SNX29: variants seen among roughly 807,000 people sequenced by gnomAD.
SNX29 encodes the protein sorting nexin 29, also known as sorting nexin-29.
In SNX29, 78 loss-of-function variants were observed where a neutral mutation model predicts 102.1. The ratio of observed to expected loss-of-function variants is 0.76; its 90% CI spans 0.64 to 0.92. The LOEUF (loss-of-function observed/expected upper bound fraction) is 0.92, where lower values mean the gene tolerates loss of function less well. SNX29 is among the 40% of genes least tolerant of loss of function. The pLI is 0.00. For synonymous variants in SNX29, 580 were observed against 414.5 expected (o/e 1.40, Z -4.85); for missense variants, 1,280 against 1,061.7 (o/e 1.21, Z -2.86).
intron 15 of SNX29, among the ~76,000 whole-genome samples, chr16:12,347,401 A>G (rs2081845671): frequency 6.6e-6 from 1 of 152,026 alleles, no homozygotes; most frequent in Non-Finnish European, 1.5e-5. Flanking sequence ...CCAAAGCAAA[A>G]TGTGTATTGG....
At chr16:12,297,733 C>G (rs1423335368) in intron 15 of SNX29, among the ~76,000 whole-genome samples, 3 of 152,134 alleles carry the variant, frequency 2.0e-5, no homozygotes, top group African/African-American at 4.8e-5. Flanking sequence ...TCATTTGCAC[C>G]TCAGTAAAGC....
At chr16:12,558,582 C>T (rs1192244211) in intron 20 of SNX29, among the ~76,000 whole-genome samples, 1 of 152,200 alleles carries the variant, frequency 6.6e-6, no homozygotes, top group East Asian at 1.9e-4. Context: ...TGGATCCATA[C>T]ACCTGTCACT....
chr16:12,109,447 A>G (rs1205489020), intron 11 of SNX29, among the ~76,000 whole-genome samples: 1 of 152,166 alleles, frequency 6.6e-6, no homozygotes, highest in Admixed American at 6.5e-5. Flanking sequence ...CTCTCATGAC[A>G]CAGTCACCTC....
intron 18 of SNX29, among the ~76,000 whole-genome samples, chr16:12,463,045 G>T (rs2086877335): frequency 6.6e-6 from 1 of 152,186 alleles, no homozygotes; most frequent in African/African-American, 2.4e-5. Flanking sequence ...TGGACTCAGG[G>T]ACTCGCCCCT....
chr16:12,305,409 G>C (rs762820096), intron 15 of SNX29, among the ~76,000 whole-genome samples: 2 of 152,196 alleles, frequency 1.3e-5, no homozygotes, highest in Admixed American at 1.3e-4. Flanking sequence ...CGCCGAGGGC[G>C]TCAAGCCCTA....
chr16:12,515,132 G>A (rs567876573), intron 19 of SNX29, among the ~76,000 whole-genome samples: 4 of 152,140 alleles, frequency 2.6e-5, no homozygotes, highest in African/African-American at 9.6e-5. Context: ...CCTGTGGGAG[G>A]GCTCCCTAAC....
intron 1 of SNX29, among the ~76,000 whole-genome samples, chr16:11,993,192 A>G (rs1485914258): frequency 6.6e-5 from 10 of 151,602 alleles, no homozygotes; most frequent in Admixed American, 5.3e-4. Flanking sequence ...TAAATAAATA[A>G]ATAAATATCT....
intron 14 of SNX29, among the ~76,000 whole-genome samples, chr16:12,209,105 G>A (rs2077117978): frequency 6.6e-6 from 1 of 152,112 alleles, no homozygotes; most frequent in African/African-American, 2.4e-5. Context: ...GGAAAAAGAG[G>A]GCTTTAGATA....
chr16:12,166,388 C>T (rs1163676543), intron 13 of SNX29, among the ~76,000 whole-genome samples: 1 of 152,102 alleles, frequency 6.6e-6, no homozygotes, highest in Non-Finnish European at 1.5e-5. Context: ...GAAATCTATC[C>T]ATGGGCTGTG....
At chr16:12,366,215 G>A (rs2082474899) in intron 16 of SNX29, among the ~76,000 whole-genome samples, 1 of 152,122 alleles carries the variant, frequency 6.6e-6, no homozygotes, top group African/African-American at 2.4e-5. Context: ...TTTCCCTCAA[G>A]GGTCACACAC....
At chr16:12,336,961 AACAAAAAACAG>A (rs1208867377) in intron 15 of SNX29, among the ~76,000 whole-genome samples, 1 of 152,174 alleles carries the variant, frequency 6.6e-6, no homozygotes, top group African/African-American at 2.4e-5. Context: ...CAAACAAACA[AACAAAAAACAG>A]ACACCACAAG....
chr16:12,525,603 A>G (rs1054966202), intron 20 of SNX29, among the ~76,000 whole-genome samples: 1 of 151,852 alleles, frequency 6.6e-6, no homozygotes, highest in Non-Finnish European at 1.5e-5. Context: ...GAGGCAGGAG[A>G]ATCACTTGAA....
intron 20 of SNX29, among the ~76,000 whole-genome samples, chr16:12,554,019 T>C (rs1234650209): frequency 6.6e-6 from 1 of 152,178 alleles, no homozygotes. Context: ...GAGACAGCGT[T>C]TTAACCATGT....
Position 12,572,907 on chromosome 16 carries a change from C to A in SNX29, c.*4278C>A. On this transcript the variant is annotated 3_prime_UTR_variant, in exon 21 of 21. Coordinates refer to ENST00000566228, the MANE Select transcript of SNX29 (RefSeq NM_032167.5). ...TGCCTTGGCATTTCGCTCGGAATCA[C>A]GGCAGACTTGGAGTGTTTCTTCAAG... 1 of 1,013,568 alleles carries A rather than the reference C, an allele frequency of 9.9e-7. No individual in the cohort carries two copies. The highest frequency in any genetic ancestry group is 1.2e-6 in the Non-Finnish European group (1 of 832,744). The allele number at this position is 1,013,568 out of a possible 1,614,324, so 62.8% of individuals were successfully genotyped here.
chr16:12,093,165 G>T (rs1205767094), intron 11 of SNX29, among the ~76,000 whole-genome samples: 3 of 152,196 alleles, frequency 2.0e-5, no homozygotes, highest in South Asian at 2.1e-4. Flanking sequence ...TATATCATCA[G>T]AGCCACTAGA....
rs138075991 is a variant in SNX29 at position 12,354,372 on chromosome 16, C to T, written c.1783-1791C>T. ...TTCCCTAGTGAAATGAAAGATTTGCCTGATGTGGTCAAGTTCTGCTCTTCT... is the reference window on the plus strand; with the variant it reads ...TTCCCTAGTGAAATGAAAGATTTGCTTGATGTGGTCAAGTTCTGCTCTTCT... On this transcript the variant is annotated intron_variant, in intron 15 of 20. Coordinates refer to ENST00000566228, the MANE Select transcript of SNX29 (RefSeq NM_032167.5). Among the ~76,000 whole-genome samples the T allele has an allele frequency of 2.1e-4, 32 of 152,246 alleles. No homozygotes were observed. The East Asian group carries it at 4.8e-3, about 23-fold the overall frequency.
At chr16:12,547,433 G>C (rs1163552577) in intron 20 of SNX29, among the ~76,000 whole-genome samples, 1 of 152,174 alleles carries the variant, frequency 6.6e-6, no homozygotes, top group East Asian at 1.9e-4. Context: ...GCACCCCGGG[G>C]AGAGGGGATG....
In SNX29 at chr16:12,569,659, A is replaced by T. The variant is rs554079223; in HGVS notation, c.*1030A>T. On this transcript the variant is annotated 3_prime_UTR_variant, in exon 21 of 21. Coordinates refer to ENST00000566228, the MANE Select transcript of SNX29 (RefSeq NM_032167.5). The stretch of plus-strand genomic sequence containing the variant: ...TAAGACAGAGTCCTCTGTTCCTCCC[A>T]TGTCAGGTGGCTCTCAGAGTACAGG... 3.1e-4 allele frequency: 72 copies of T among 228,918 alleles called. No individual in the cohort carries two copies. The highest frequency in any genetic ancestry group is 1.5e-3 in the African/African-American group (70 of 45,178). The allele number at this position is 228,918 out of a possible 1,614,324, so 14.2% of individuals were successfully genotyped here. A position where few individuals can be genotyped will look rare whatever the true frequency, so the allele number is the denominator to read the frequency against.
In SNX29 at chr16:12,178,686, C is replaced by T. The variant is rs186928557; in HGVS notation, c.1596-20915C>T. 5.0e-4 allele frequency among the ~76,000 whole-genome samples: 76 copies of T among 152,318 alleles called. 1 individual carries two copies. The highest frequency in any genetic ancestry group is 7.7e-4 in the African/African-American group (32 of 41,566). ...CGGGCCCTCTCTGTTATCGTGCATACGCAATGCTCTTAGTGGTGGTCGCCT... is the reference window on the plus strand; with the variant it reads ...CGGGCCCTCTCTGTTATCGTGCATATGCAATGCTCTTAGTGGTGGTCGCCT... On this transcript the variant is annotated intron_variant, in intron 13 of 20. Transcript: ENST00000566228.
Sources: gnomAD v4.1 joint callset for allele counts (sites outside exome capture counted in the v4.1 genomes callset) on GRCh38, gnomAD v4.1.1 for gene constraint, MANE v1.5 for transcripts, NCBI Gene and HGNC (gene_info 2026-07-23, HGNC 2026-07-21) for gene names.